Variants in PTPRD observed in about 807,000 individuals in gnomAD.
PTPRD encodes receptor-type tyrosine-protein phosphatase delta.
A neutral mutation model predicts 214.5 loss-of-function variants in PTPRD; 34 were observed. The observed-to-expected ratio is 0.16, with a 90% CI of 0.12 to 0.21. PTPRD has a LOEUF of 0.21. Ranked by LOEUF, PTPRD falls within the 10% of genes least tolerant of loss-of-function variation. PTPRD has a pLI of 1.00. For missense variants in PTPRD, 2,545 were observed against 2,398.7 expected (o/e 1.06, Z -1.27); for synonymous variants, 1,128 against 845.7 (o/e 1.33, Z -5.79).
At chr9:8,352,083 A>ATTTTT (rs5896240) in intron 39 of PTPRD, among the ~76,000 whole-genome samples, 1 of 147,334 alleles carries the variant, frequency 6.8e-6, no homozygotes, top group African/African-American at 2.5e-5. Context: ...GCCTAATCTG[A>ATTTTT]TTTTTTTTTT....
At chr9:10,171,812 C>A (rs2099209267) in intron 3 of PTPRD, among the ~76,000 whole-genome samples, 1 of 152,184 alleles carries the variant, frequency 6.6e-6, no homozygotes, top group South Asian at 2.1e-4. Context: ...CATGAGCCAC[C>A]GCGCCTGGCC....
intron 12 of PTPRD, among the ~76,000 whole-genome samples, chr9:8,693,872 CTTTT>C (rs1451779504): frequency 6.6e-6 from 1 of 152,124 alleles, no homozygotes; most frequent in Non-Finnish European, 1.5e-5. Context: ...TGTAGGGTGA[CTTTT>C]TTCTCTATAG....
intron 10 of PTPRD, among the ~76,000 whole-genome samples, chr9:9,043,159 C>T (rs574758032): frequency 1.3e-5 from 2 of 152,266 alleles, no homozygotes; most frequent in Non-Finnish European, 2.9e-5. Flanking sequence ...AACAAAGATA[C>T]ATAAATTTTA....
intron 10 of PTPRD, chr9:9,090,852 G>A (rs1051217845): frequency 4.9e-6 from 4 of 819,774 alleles, no homozygotes; most frequent in Admixed American, 1.7e-5. Context: ...AATGATGACA[G>A]GTTAAAAATT....
intron 3 of PTPRD, among the ~76,000 whole-genome samples, chr9:10,090,196 A>G (rs770500556): frequency 1.3e-5 from 2 of 151,606 alleles, no homozygotes; most frequent in African/African-American, 2.4e-5. Context: ...CCATATTTAA[A>G]ACATTTTAGG....
At chr9:8,896,664 G>C (rs537428622) in intron 11 of PTPRD, among the ~76,000 whole-genome samples, 4 of 152,272 alleles carry the variant, frequency 2.6e-5, no homozygotes, top group African/African-American at 9.6e-5. Flanking sequence ...CCCATAGTCT[G>C]TGTGACTTGA....
At chr9:9,743,997 T>C (rs546216987) in intron 6 of PTPRD, among the ~76,000 whole-genome samples, 16 of 152,258 alleles carry the variant, frequency 1.1e-4, no homozygotes, top group East Asian at 9.7e-4. Flanking sequence ...ATAATGCATC[T>C]GAGTGGGCAG....
chr9:9,420,977 G>C (rs1045822464), intron 8 of PTPRD, among the ~76,000 whole-genome samples: 1 of 151,638 alleles, frequency 6.6e-6, no homozygotes, highest in East Asian at 1.9e-4. Flanking sequence ...GCCTTCATAA[G>C]GCTGCCATTT....
At chr9:8,642,453 G>T (rs886371336) in intron 12 of PTPRD, among the ~76,000 whole-genome samples, 8 of 152,170 alleles carry the variant, frequency 5.3e-5, no homozygotes, top group African/African-American at 1.9e-4. Flanking sequence ...GACAGGGAGA[G>T]AATGTTCAGT....
chr9:10,537,712 A>T (rs939117375), intron 2 of PTPRD, among the ~76,000 whole-genome samples: 2 of 152,082 alleles, frequency 1.3e-5, no homozygotes, highest in Non-Finnish European at 2.9e-5. Flanking sequence ...GATTATATCC[A>T]TATTTATATT....
At chr9:8,550,280 C>T (rs553766837) in intron 14 of PTPRD, among the ~76,000 whole-genome samples, 1 of 151,922 alleles carries the variant, frequency 6.6e-6, no homozygotes, top group African/African-American at 2.4e-5. Flanking sequence ...GTATATGGTA[C>T]CTCCCAAATT....
At chr9:10,437,133 T>C (rs1173883705) in intron 2 of PTPRD, among the ~76,000 whole-genome samples, 1 of 151,846 alleles carries the variant, frequency 6.6e-6, no homozygotes, top group East Asian at 1.9e-4. Context: ...CCATCATCCC[T>C]ATATACTTGC....
At chr9:8,760,349 A>G (rs913403938) in intron 11 of PTPRD, among the ~76,000 whole-genome samples, 1 of 152,054 alleles carries the variant, frequency 6.6e-6, no homozygotes, top group Non-Finnish European at 1.5e-5. Flanking sequence ...ATCAATATTC[A>G]TGTTTGGAGT....
At chr9:9,263,438 A>G (rs1321289103) in intron 9 of PTPRD, among the ~76,000 whole-genome samples, 1 of 151,746 alleles carries the variant, frequency 6.6e-6, no homozygotes, top group Non-Finnish European at 1.5e-5. Context: ...ACCTTCAGTC[A>G]ATAGTGTAAC....
intron 31 of PTPRD, among the ~76,000 whole-genome samples, chr9:8,470,119 G>A (rs1210127592): frequency 3.3e-5 from 5 of 152,208 alleles, no homozygotes; most frequent in African/African-American, 9.6e-5. Context: ...AAATGGGGGC[G>A]TTACGGTTAT....
intron 8 of PTPRD, among the ~76,000 whole-genome samples, chr9:9,541,735 CT>C (rs2077624809): frequency 1.3e-5 from 2 of 151,752 alleles, no homozygotes; most frequent in Non-Finnish European, 2.9e-5. Flanking sequence ...AATAGAAGAG[CT>C]AAGAATGTTT....
At chr9:8,522,582 C>T (rs1160530518) in intron 19 of PTPRD, among the ~76,000 whole-genome samples, 10 of 152,168 alleles carry the variant, frequency 6.6e-5, no homozygotes, top group African/African-American at 1.9e-4. Flanking sequence ...TACAGCAGGA[C>T]ATGACATTAA....
chr9:9,328,863 C>T (rs552377466), intron 9 of PTPRD, among the ~76,000 whole-genome samples: 1 of 151,316 alleles, frequency 6.6e-6, no homozygotes, highest in Non-Finnish European at 1.5e-5. Context: ...GTCTTGAACT[C>T]CTGACCTCAA....
At chr9:10,138,340 A>G (rs1054427895) in intron 3 of PTPRD, among the ~76,000 whole-genome samples, 3 of 152,088 alleles carry the variant, frequency 2.0e-5, no homozygotes, top group African/African-American at 7.2e-5. Flanking sequence ...TGAACCATGA[A>G]AAAATTAAAA....
Sources: allele counts gnomAD v4.1 joint callset (sites outside exome capture counted in the v4.1 genomes callset), GRCh38; gene constraint gnomAD v4.1.1; transcripts MANE v1.5; gene names NCBI Gene and HGNC (gene_info 2026-07-23, HGNC 2026-07-21).